Variants in NOSTRIN observed in about 807,000 individuals in gnomAD.
The protein encoded by NOSTRIN is nitric oxide synthase trafficking, also known as BM247 homolog.
NOSTRIN carries 63 observed loss-of-function variants against 59.0 expected under a neutral mutation model. The observed-to-expected ratio is 1.07, with a 90% CI of 0.87 to 1.32. The LOEUF (loss-of-function observed/expected upper bound fraction) is 1.32. Among genes scored for constraint, NOSTRIN ranks in the 40% most tolerant of loss-of-function variants. The pLI is 0.00. For synonymous variants in NOSTRIN, 200 were observed against 165.4 expected (o/e 1.21, Z -1.61); for missense variants, 512 against 473.1 (o/e 1.08, Z -0.76).
chr2:168,822,818 A>G (rs903394539), intron 2 of NOSTRIN, among the ~76,000 whole-genome samples: 3 of 152,208 alleles, frequency 2.0e-5, no homozygotes, highest in Non-Finnish European at 4.4e-5. Context: ...TGTGCTGCAA[A>G]GAAAGTAATA....
chr2:168,802,472 G>A (rs1027724889), upstream of NOSTRIN: 4 of 596,006 alleles, frequency 6.7e-6, no homozygotes, highest in African/African-American at 3.7e-5. Context: ...TTACTTTCTC[G>A]GGACACAAAC....
At chr2:168,794,523 TTG>T (rs933946960), upstream of NOSTRIN, among the ~76,000 whole-genome samples, 3 of 151,066 alleles carry the variant, frequency 2.0e-5, no homozygotes, top group African/African-American at 7.3e-5. Context: ...GGCTAATTTT[TTG>T]TGTTTTTACT....
chr2:168,792,738 C>T (rs1685389783), intron 2 of NOSTRIN, among the ~76,000 whole-genome samples: 1 of 152,008 alleles, frequency 6.6e-6, no homozygotes. Flanking sequence ...CCTCGGCCTC[C>T]GAAAGTGCTG....
At chr2:168,847,221 T>A (rs909798831) in intron 8 of NOSTRIN, among the ~76,000 whole-genome samples, 2 of 152,336 alleles carry the variant, frequency 1.3e-5, no homozygotes, top group East Asian at 3.9e-4. Flanking sequence ...AACTAGAAGA[T>A]AAAATCATAC....
upstream of NOSTRIN, among the ~76,000 whole-genome samples, chr2:168,798,438 C>T (rs746453400): frequency 6.6e-6 from 1 of 152,128 alleles, no homozygotes; most frequent in African/African-American, 2.4e-5. Flanking sequence ...TTCATAAATG[C>T]GTACTCATGT....
intron 15 of NOSTRIN, among the ~76,000 whole-genome samples, chr2:168,863,974 G>C (rs776661628): frequency 6.6e-6 from 1 of 151,712 alleles, no homozygotes; most frequent in Non-Finnish European, 1.5e-5. Flanking sequence ...ACAGTGGTGT[G>C]ATCTTAGCTC....
At chr2:168,863,398 G>C (rs1689606250) in intron 15 of NOSTRIN, 1 of 984,564 alleles carries the variant, frequency 1.0e-6, no homozygotes. Context: ...CTGAGGAAAA[G>C]AGTGAAAGGA....
chr2:168,865,265 C>G lies in NOSTRIN; in HGVS notation c.*295C>G. ...TGGTGTCACAGAAACAGACGGAGTC[C>G]AAGGTGGGTTCAGCTGCTTGCCTGA... On this transcript the variant is annotated 3_prime_UTR_variant, in exon 16 of 16. Coordinates refer to ENST00000317647, the MANE Select transcript of NOSTRIN (RefSeq NM_001039724.4). 1 of 271,856 alleles carries G rather than the reference C, an allele frequency of 3.7e-6. No individual in the cohort carries two copies. Among genetic ancestry groups the G allele is most frequent in the Non-Finnish European group, 7.0e-6 (1 of 143,634 alleles). 16.8% of individuals were successfully genotyped at this position (271,856 alleles called of 1,614,324 possible).
In NOSTRIN at chr2:168,858,510, G is replaced by A. The variant is rs184063284; in HGVS notation, c.1054-1002G>A. On this transcript the variant is annotated intron_variant, in intron 12 of 15. Transcript: ENST00000317647. ...CACAAGCAGTGTCATAAGAAAAATT[G>A]TTGAGAAAACTGGAGGCACTTAGAT... Among the ~76,000 whole-genome samples the A allele has an allele frequency of 3.5e-3, 530 of 152,316 alleles. 1 individual carries two copies. The highest frequency in any genetic ancestry group is 5.4e-3 in the Admixed American group (83 of 15,302).
chr2:168,816,515 G>A (rs138607448), intron 2 of NOSTRIN, among the ~76,000 whole-genome samples: 364 of 152,120 alleles, frequency 2.4e-3, no homozygotes, highest in Non-Finnish European at 4.5e-3. Flanking sequence ...ACCACCACAC[G>A]TGGGTCCCTG....
intron 2 of NOSTRIN, among the ~76,000 whole-genome samples, chr2:168,815,166 G>A (rs1686333055): frequency 6.6e-6 from 1 of 152,136 alleles, no homozygotes; most frequent in African/African-American, 2.4e-5. Context: ...TAATCTAATT[G>A]GGTAGTGATA....
chr2:168,851,505 TG>T, intron 10 of NOSTRIN, 101 bp downstream of exon 10: 1 of 1,477,870 alleles, frequency 6.8e-7, no homozygotes, highest in South Asian at 1.5e-5. Context: ...GTTTTATCAA[TG>T]AAAATGATTT....
intron 2 of NOSTRIN, among the ~76,000 whole-genome samples, chr2:168,792,197 A>C (rs1421735943): frequency 1.3e-5 from 2 of 152,152 alleles, no homozygotes. Context: ...GTCCTAAGTA[A>C]AATTTTCAGA....
In NOSTRIN at chr2:168,864,814, G is replaced by A; in HGVS notation, c.1385-20G>A. On this transcript the variant is annotated intron_variant, in intron 15 of 15. Transcript: ENST00000317647. Reference sequence around the variant, plus strand: ...GTGTTCACATCACAGAGACCCATTTGTCTAACTGTATTTTCACAGGTGACA... The same window carrying A: ...GTGTTCACATCACAGAGACCCATTTATCTAACTGTATTTTCACAGGTGACA... 2 of 1,613,274 alleles carry A rather than the reference G, an allele frequency of 1.2e-6. No individual in the cohort carries two copies. Among genetic ancestry groups the A allele is most frequent in the Non-Finnish European group, 1.7e-6 (2 of 1,179,552 alleles).
intron 6 of NOSTRIN, among the ~76,000 whole-genome samples, chr2:168,832,993 A>G (rs1217059838): frequency 6.6e-6 from 1 of 152,236 alleles, no homozygotes; most frequent in Non-Finnish European, 1.5e-5. Context: ...AGTACAATGA[A>G]TCAAAAGCCA....
upstream of NOSTRIN, among the ~76,000 whole-genome samples, chr2:168,794,199 G>A (rs1443500814): frequency 6.6e-6 from 1 of 152,108 alleles, no homozygotes; most frequent in African/African-American, 2.4e-5. Flanking sequence ...ATGAGTGAAT[G>A]GATGAATACA....
At chr2:168,812,234 G>A (rs1466387356) in intron 2 of NOSTRIN, 2 of 152,178 alleles carry the variant, frequency 1.3e-5, no homozygotes, top group Non-Finnish European at 2.9e-5. Context: ...AACCCAAGGA[G>A]TGAATTTGGT....
upstream of NOSTRIN, among the ~76,000 whole-genome samples, chr2:168,797,066 CTTTTTCTTTTTTCT>C: frequency 8.8e-6 from 1 of 114,144 alleles, no homozygotes; most frequent in Non-Finnish European, 1.8e-5. Flanking sequence ...TTCTTTCTTT[CTTTTTCTTTTTTCT>C]TTTTTTTTTT....
At chr2:168,861,791 G>A (rs10497348) in intron 14 of NOSTRIN, among the ~76,000 whole-genome samples, 169 bp from the exon 15 acceptor site, 25,249 of 152,194 alleles carry the variant, frequency 0.17, 4,625 homozygotes, top group African/African-American at 0.46. Flanking sequence ...TGCATCATAA[G>A]TGGTTATTGA....
Sources: gnomAD v4.1 joint callset for allele counts (sites outside exome capture counted in the v4.1 genomes callset) on GRCh38, gnomAD v4.1.1 for gene constraint, MANE v1.5 for transcripts, NCBI Gene and HGNC (gene_info 2026-07-23, HGNC 2026-07-21) for gene names.